The following VTI1A variants were observed in gnomAD, a reference collection of about 807,000 sequenced individuals.
VTI1A encodes the protein vesicle transport through interaction with t-SNAREs 1A, also known as vesicle transport through interaction with t-SNAREs homolog 1A.
Under a neutral mutation model 34.9 loss-of-function variants are expected in VTI1A, and 22 were observed. The ratio of observed to expected loss-of-function variants is 0.63; its 90% CI spans 0.45 to 0.90. The LOEUF is 0.90. VTI1A is among the 40% of genes least tolerant of loss of function. VTI1A has a pLI of 0.00. For missense variants in VTI1A, 268 were observed against 275.6 expected (o/e 0.97, Z 0.20); for synonymous variants, 87 against 97.3 (o/e 0.89, Z 0.62).
At chr10:112,597,161 CCACTTACG>C (rs1266546674) in intron 5 of VTI1A, among the ~76,000 whole-genome samples, 1 of 152,128 alleles carries the variant, frequency 6.6e-6, no homozygotes, top group Non-Finnish European at 1.5e-5. Flanking sequence ...CCTGACATTT[CCACTTACG>C]CTAACCTTTG....
At chr10:112,717,485 G>A (rs572999110) in intron 7 of VTI1A, among the ~76,000 whole-genome samples, 10 of 152,226 alleles carry the variant, frequency 6.6e-5, no homozygotes, top group Admixed American at 3.3e-4. Flanking sequence ...AACTATGTAG[G>A]GGGGACAGGA....
At chr10:112,451,135 A>G (rs61874560) in intron 1 of VTI1A, among the ~76,000 whole-genome samples, 16,029 of 152,266 alleles carry the variant, frequency 0.11, 973 homozygotes, top group Admixed American at 0.13. Flanking sequence ...CAGACATGAC[A>G]TCAGATCTGT....
chr10:112,548,496 T>C (rs896928402), intron 5 of VTI1A: 7 of 542,606 alleles, frequency 1.3e-5, no homozygotes, highest in Admixed American at 6.6e-5. Flanking sequence ...ATTGTTATGA[T>C]TCATTAACCA....
chr10:112,814,722 G>C (rs912836549), intron 7 of VTI1A, among the ~76,000 whole-genome samples: 1 of 152,136 alleles, frequency 6.6e-6, no homozygotes. Context: ...TCCTCCTAGC[G>C]TAACGGAGCG....
intron 3 of VTI1A, among the ~76,000 whole-genome samples, chr10:112,483,202 A>G (rs949550446): frequency 6.6e-6 from 1 of 152,154 alleles, no homozygotes; most frequent in African/African-American, 2.4e-5. Flanking sequence ...GTACTAAGAA[A>G]TGTCTCAAAG....
intron 7 of VTI1A, among the ~76,000 whole-genome samples, chr10:112,780,748 C>T (rs1852099149): frequency 1.3e-5 from 2 of 152,092 alleles, no homozygotes; most frequent in East Asian, 3.9e-4. Flanking sequence ...AAAATCCTTA[C>T]TATGGTCCAC....
In VTI1A at chr10:112,601,553, A is replaced by C. The variant is rs143028670; in HGVS notation, c.427+63223A>C. Among the ~76,000 whole-genome samples the C allele has an allele frequency of 3.4e-3, 521 of 152,072 alleles. 4 individuals are homozygous for C. Among genetic ancestry groups the C allele is most frequent in the African/African-American group, 0.012 (488 of 41,464 alleles). ...ACTCTCTTTATTTACTGTGGTATGC[A>C]GTCACTTTTCTTAGTTGTTCCGTGC... is the stretch of plus-strand genomic sequence containing the variant. On this transcript the variant is annotated intron_variant, in intron 5 of 7. Coordinates refer to ENST00000393077, the MANE Select transcript of VTI1A (RefSeq NM_145206.4).
intron 5 of VTI1A, among the ~76,000 whole-genome samples, chr10:112,652,673 G>A (rs1017553204): frequency 2.2e-4 from 31 of 144,096 alleles, no homozygotes; most frequent in Admixed American, 7.6e-5. Context: ...GCTGCAGTGA[G>A]CCGTGTTCAT....
intron 5 of VTI1A, among the ~76,000 whole-genome samples, chr10:112,600,251 T>C (rs559342849): frequency 2.4e-4 from 36 of 152,304 alleles, no homozygotes; most frequent in African/African-American, 8.4e-4. Context: ...GCCCCTACTA[T>C]AGTCATTTTT....
At chr10:112,474,036 A>T (rs1040848133) in intron 3 of VTI1A, among the ~76,000 whole-genome samples, 1 of 151,642 alleles carries the variant, frequency 6.6e-6, no homozygotes, top group Non-Finnish European at 1.5e-5. Flanking sequence ...GCTGAAGAAT[A>T]TTTCTTTTAG....
intron 7 of VTI1A, among the ~76,000 whole-genome samples, chr10:112,686,222 T>G (rs914747463): frequency 6.6e-6 from 1 of 152,200 alleles, no homozygotes; most frequent in Non-Finnish European, 1.5e-5. Flanking sequence ...ATGTGGCAGG[T>G]GAACCACTTC....
intron 5 of VTI1A, among the ~76,000 whole-genome samples, chr10:112,629,406 C>T (rs11819254): frequency 0.012 from 1,862 of 152,320 alleles, 44 homozygotes; most frequent in African/African-American, 0.043. Flanking sequence ...GTTTCATCAC[C>T]GCACAGCTGT....
intron 7 of VTI1A, among the ~76,000 whole-genome samples, chr10:112,748,947 A>T (rs1168723430): frequency 6.6e-6 from 1 of 152,160 alleles, no homozygotes; most frequent in East Asian, 1.9e-4. Flanking sequence ...TTTGTCTTAC[A>T]TGCTTTAAGT....
chr10:112,552,893 G>A (rs910890860), intron 5 of VTI1A, among the ~76,000 whole-genome samples: 2 of 152,022 alleles, frequency 1.3e-5, no homozygotes, highest in Admixed American at 1.3e-4. Flanking sequence ...CAGTTCTTTC[G>A]TGCCCTCTGT....
chr10:112,507,784 C>G (rs1849482040), intron 3 of VTI1A, among the ~76,000 whole-genome samples: 1 of 152,168 alleles, frequency 6.6e-6, no homozygotes, highest in African/African-American at 2.4e-5. Context: ...CACTCTGGCT[C>G]AGGCTCCTTG....
At chr10:112,701,309 T>C (rs1849002475) in intron 7 of VTI1A, among the ~76,000 whole-genome samples, 1 of 152,212 alleles carries the variant, frequency 6.6e-6, no homozygotes, top group Admixed American at 6.5e-5. Context: ...TAGCAACACT[T>C]GGATGCCTGA....
intron 3 of VTI1A, among the ~76,000 whole-genome samples, chr10:112,493,615 T>C (rs891915550): frequency 6.6e-6 from 1 of 152,226 alleles, no homozygotes; most frequent in East Asian, 1.9e-4. Flanking sequence ...ATTTTGTAAA[T>C]GCCCTTTATC....
intron 1 of VTI1A, 101 bp from the exon 2 acceptor site, chr10:112,460,423 C>T (rs949467719): frequency 1.9e-6 from 2 of 1,050,880 alleles, no homozygotes; most frequent in African/African-American, 3.3e-5. Flanking sequence ...GTTCTGTAAT[C>T]TGATTGACCA....
At chr10:112,554,515 A>G (rs1352089726) in intron 5 of VTI1A, among the ~76,000 whole-genome samples, 2 of 152,210 alleles carry the variant, frequency 1.3e-5, no homozygotes, top group African/African-American at 2.4e-5. Flanking sequence ...TGCCATGAGC[A>G]TAATTTTTTT....
Sources: gnomAD v4.1 joint callset for allele counts (sites outside exome capture counted in the v4.1 genomes callset) on GRCh38, gnomAD v4.1.1 for gene constraint, MANE v1.5 for transcripts, NCBI Gene and HGNC (gene_info 2026-07-23, HGNC 2026-07-21) for gene names.